The following AUTS2 variants were observed in gnomAD, a reference collection of about 807,000 sequenced individuals.
The protein encoded by AUTS2 is autism susceptibility gene 2 protein.
Under a neutral mutation model 112.4 loss-of-function variants are expected in AUTS2, and 17 were observed. The ratio of observed to expected loss-of-function variants is 0.15; its 90% CI spans 0.10 to 0.23. The LOEUF is 0.23. Among genes scored for constraint, AUTS2 ranks in the 10% least tolerant of loss-of-function variants. AUTS2 has a pLI of 1.00. For missense variants in AUTS2, 1,510 were observed against 1,701.6 expected (o/e 0.89, Z 1.98); for synonymous variants, 751 against 702.7 (o/e 1.07, Z -1.09).
chr7:70,084,079 A>C (rs1018296023), intron 2 of AUTS2, among the ~76,000 whole-genome samples: 11 of 152,122 alleles, frequency 7.2e-5, no homozygotes, highest in Admixed American at 7.2e-4. Context: ...CAAACAAACA[A>C]AAAAAACAAA....
rs141819449 is a variant in AUTS2, at chr7:70,788,755, C to T, written c.2532-993C>T. Among the ~76,000 whole-genome samples, 454 of 152,352 alleles carry T rather than the reference C, an allele frequency of 3.0e-3. 1 individual carries two copies. Among genetic ancestry groups the T allele is most frequent in the Non-Finnish European group, 5.3e-3 (359 of 68,032 alleles). On this transcript the variant is annotated intron_variant, in intron 18 of 18. Coordinates refer to ENST00000342771, the MANE Select transcript of AUTS2 (RefSeq NM_015570.4). ...AGAAACAGCCCTTATAGGGGAGCCT[C>T]CTGAATACTCTGTGGTCCTCTGATC...
intron 1 of AUTS2, among the ~76,000 whole-genome samples, chr7:69,750,472 T>TTAG (rs146638908): frequency 0.093 from 13,806 of 148,012 alleles, 707 homozygotes; most frequent in African/African-American, 0.13. Flanking sequence ...AAATACTATG[T>TTAG]TAGTAGTAGT....
chr7:70,391,121 TG>T (rs1259344946), intron 4 of AUTS2, among the ~76,000 whole-genome samples: 1 of 152,196 alleles, frequency 6.6e-6, no homozygotes, highest in African/African-American at 2.4e-5. Flanking sequence ...TCTGAATCTC[TG>T]GGGGTGAGGC....
intron 4 of AUTS2, among the ~76,000 whole-genome samples, chr7:70,306,403 C>T (rs142740538): frequency 3.3e-5 from 5 of 152,266 alleles, no homozygotes; most frequent in South Asian, 2.1e-4. Flanking sequence ...TACTTTTTCC[C>T]GCTGCTCTGT....
At chr7:70,314,062 G>A (rs1157540870) in intron 4 of AUTS2, among the ~76,000 whole-genome samples, 4 of 152,188 alleles carry the variant, frequency 2.6e-5, no homozygotes, top group South Asian at 2.1e-4. Flanking sequence ...ACATTTCCTC[G>A]TTCTTTCTCT....
intron 1 of AUTS2, among the ~76,000 whole-genome samples, chr7:69,767,930 C>CT (rs1788500221): frequency 6.6e-6 from 1 of 152,230 alleles, no homozygotes; most frequent in Non-Finnish European, 1.5e-5. Flanking sequence ...GTCACTGCCT[C>CT]TTCTGTGCCT....
chr7:69,602,112 T>A (rs906713242), intron 1 of AUTS2, among the ~76,000 whole-genome samples: 2 of 150,446 alleles, frequency 1.3e-5, no homozygotes, highest in African/African-American at 4.9e-5. Flanking sequence ...CTTATGCAGT[T>A]CTTTTTGATG....
intron 3 of AUTS2, among the ~76,000 whole-genome samples, chr7:70,127,046 C>T (rs1389036851): frequency 2.0e-5 from 3 of 152,228 alleles, no homozygotes; most frequent in East Asian, 1.9e-4. Context: ...AGGCTGCTCT[C>T]GAACTCCTGA....
intron 4 of AUTS2, among the ~76,000 whole-genome samples, chr7:70,334,257 A>G (rs1381850784): frequency 6.6e-6 from 1 of 152,110 alleles, no homozygotes; most frequent in Non-Finnish European, 1.5e-5. Flanking sequence ...TGTTGAGGCA[A>G]TTCCCTTCTA....
intron 5 of AUTS2, among the ~76,000 whole-genome samples, chr7:70,543,854 G>T (rs1018435848): frequency 2.6e-5 from 4 of 152,202 alleles, no homozygotes; most frequent in African/African-American, 7.2e-5. Context: ...CATTTTCTTT[G>T]CCTGGGACTT....
intron 1 of AUTS2, among the ~76,000 whole-genome samples, chr7:69,634,354 T>C (rs1794419186): frequency 6.6e-6 from 1 of 152,040 alleles, no homozygotes; most frequent in Non-Finnish European, 1.5e-5. Context: ...TCTCCTGACC[T>C]CGTGATCCGC....
chr7:70,204,098 CTAA>C (rs931893138), intron 4 of AUTS2, among the ~76,000 whole-genome samples: 15 of 151,544 alleles, frequency 9.9e-5, no homozygotes, highest in Admixed American at 2.0e-4. Context: ...TTTTATTTTC[CTAA>C]TAATTCATAC....
chr7:69,756,426 A>T (rs557886582), intron 1 of AUTS2, among the ~76,000 whole-genome samples: 1 of 152,356 alleles, frequency 6.6e-6, no homozygotes, highest in Middle Eastern at 3.4e-3. Flanking sequence ...TGAAGTCAAT[A>T]GAAGGAAATG....
chr7:69,964,336 T>C (rs1797548387), intron 2 of AUTS2, among the ~76,000 whole-genome samples: 1 of 152,176 alleles, frequency 6.6e-6, no homozygotes, highest in Non-Finnish European at 1.5e-5. Flanking sequence ...AGGCACAGCC[T>C]TTTCCAGGAC....
Position 70,631,625 on chromosome 7 carries a change from T to C in AUTS2, c.691-66944T>C, listed in dbSNP as rs1055335566. ...TTAGCGACAAGGGCAGCTATGAAAA[T>C]GGCCCAGCTGCAGAAAGTCATTCCT... On this transcript the variant is annotated intron_variant, in intron 5 of 18. Transcript: ENST00000342771. The surrounding 1 kb of genome is among the most constrained non-coding windows in gnomAD (Gnocchi z 4.5). 2.1e-4 allele frequency among the ~76,000 whole-genome samples: 32 copies of C among 152,070 alleles called. No individual in the cohort carries two copies. Among genetic ancestry groups the C allele is most frequent in the African/African-American group, 7.5e-4 (31 of 41,422 alleles).
At chr7:70,232,671 C>G (rs917308931) in intron 4 of AUTS2, among the ~76,000 whole-genome samples, 1 of 152,156 alleles carries the variant, frequency 6.6e-6, no homozygotes, top group South Asian at 2.1e-4. Flanking sequence ...TGAGCCACTG[C>G]GCCCAGCCTG....
At chr7:70,115,277 T>C (rs1342071071) in intron 2 of AUTS2, among the ~76,000 whole-genome samples, 1 of 152,218 alleles carries the variant, frequency 6.6e-6, no homozygotes, top group African/African-American at 2.4e-5. Context: ...GCCTTGACAC[T>C]CTTTATAGTC....
intron 2 of AUTS2, among the ~76,000 whole-genome samples, chr7:70,050,227 C>T (rs191786985): frequency 4.0e-5 from 6 of 151,404 alleles, no homozygotes; most frequent in African/African-American, 9.7e-5. Flanking sequence ...AGTGGTGGTG[C>T]GCACCTGTAG....
chr7:69,907,645 G>C (rs550695092), intron 2 of AUTS2, among the ~76,000 whole-genome samples: 1 of 152,302 alleles, frequency 6.6e-6, no homozygotes, highest in African/African-American at 2.4e-5. Flanking sequence ...ACCATTGTAG[G>C]CCACATTTTT....
Sources: allele counts gnomAD v4.1 joint callset (sites outside exome capture counted in the v4.1 genomes callset), GRCh38; gene constraint gnomAD v4.1.1; non-coding constraint Gnocchi (gnomAD v3.1); transcripts MANE v1.5; gene names NCBI Gene and HGNC (gene_info 2026-07-23, HGNC 2026-07-21).